TTC34: variants seen among roughly 807,000 people sequenced by gnomAD.
The protein encoded by TTC34 is tetratricopeptide repeat domain 34, also known as tetratricopeptide repeat protein 34.
A neutral mutation model predicts 40.7 loss-of-function variants in TTC34; 44 were observed. The observed-to-expected ratio is 1.08, with a 90% CI of 0.85 to 1.39. TTC34 has a LOEUF of 1.39. Among genes scored for constraint, TTC34 ranks in the 40% most tolerant of loss-of-function variants. The pLI, the probability that TTC34 is intolerant of heterozygous loss-of-function variation, is 0.00. For missense variants in TTC34, 884 were observed against 838.0 expected (o/e 1.05, Z -0.68); for synonymous variants, 422 against 398.6 (o/e 1.06, Z -0.70).
chr1:2,684,533 G>C (rs1036994558), intron 6 of TTC34, among the ~76,000 whole-genome samples: 1 of 143,586 alleles, frequency 7.0e-6, no homozygotes, highest in African/African-American at 2.8e-5. Flanking sequence ...GTGAGCATCC[G>C]ACATCCTGAA....
At chr1:2,748,747 A>C (rs1641225573) in intron 6 of TTC34, among the ~76,000 whole-genome samples, 2 of 135,578 alleles carry the variant, frequency 1.5e-5, no homozygotes, top group African/African-American at 3.1e-5. Context: ...GACAGACTGG[A>C]ACAGCACCCA....
At chr1:2,649,369 GAGA>G (rs1417812327) in intron 6 of TTC34, among the ~76,000 whole-genome samples, 1 of 151,874 alleles carries the variant, frequency 6.6e-6, no homozygotes, top group Non-Finnish European at 1.5e-5. Flanking sequence ...CCAGTTAGGT[GAGA>G]ATCTGAATGC....
At chr1:2,753,223 T>A (rs1362992712) in intron 6 of TTC34, among the ~76,000 whole-genome samples, 1 of 83,504 alleles carries the variant, frequency 1.2e-5, no homozygotes. Context: ...CACCCACAGG[T>A]GAGCATCTGA....
rs1355404692 is a variant in TTC34, at chr1:2,783,795, G to C, written c.2060-20C>G. On this transcript the variant is annotated intron_variant, in intron 5 of 8. Transcript: ENST00000401095. ...GGCTTCCTGCAGGAAGACGGCATGG[G>C]GTCAGGATGAGCCTATGCTGGGTCC... 1 of 1,471,692 alleles carries C rather than the reference G, an allele frequency of 6.8e-7. No individual in the cohort carries two copies. Among genetic ancestry groups the C allele is most frequent in the African/African-American group, 1.4e-5 (1 of 70,906 alleles). The allele number at this position is 1,471,692 out of a possible 1,614,324, so 91.2% of individuals were successfully genotyped here.
intron 6 of TTC34, among the ~76,000 whole-genome samples, chr1:2,769,063 C>T (rs1033525761): frequency 5.5e-4 from 1 of 1,802 alleles, no homozygotes; most frequent in Non-Finnish European, 1.2e-3. Context: ...GCACCCTCAC[C>T]CCGAGGTGGG....
chr1:2,760,013 CATCGGAGAG>C (rs1641643687), intron 6 of TTC34, among the ~76,000 whole-genome samples: 24 of 132,458 alleles, frequency 1.8e-4, no homozygotes, highest in East Asian at 4.4e-4. Context: ...CACAGGTGAG[CATCGGAGAG>C]TCCGGAGCAG....
chr1:2,687,597 G>A (rs1640423643), intron 6 of TTC34, among the ~76,000 whole-genome samples: 1 of 148,952 alleles, frequency 6.7e-6, no homozygotes, highest in Non-Finnish European at 1.5e-5. Context: ...GCCTGGAACA[G>A]CACCCACACC....
chr1:2,693,106 C>A (rs1450813899), intron 6 of TTC34, among the ~76,000 whole-genome samples: 2 of 77,046 alleles, frequency 2.6e-5, no homozygotes, highest in East Asian at 3.0e-4. Context: ...GCACCCACAC[C>A]CTCAGGTGAG....
At chr1:2,749,409 G>A (rs1641244212) in intron 6 of TTC34, among the ~76,000 whole-genome samples, 1 of 143,996 alleles carries the variant, frequency 6.9e-6, no homozygotes, top group Non-Finnish European at 1.5e-5. Flanking sequence ...TGCACCCCCA[G>A]GTGCGCACGT....
In TTC34 at chr1:2,792,006, CTTT is replaced by C. The variant is rs376632144; in HGVS notation, c.785-1663_785-1661del. Among the ~76,000 whole-genome samples, 284 of 39,498 alleles carry C rather than the reference CTTT, an allele frequency of 7.2e-3. 2 individuals carry two copies. The highest frequency in any genetic ancestry group is 0.019 in the African/African-American group (227 of 11,938). 25.9% of individuals were successfully genotyped at this position (39,498 alleles called of 152,430 possible). The stretch of plus-strand genomic sequence containing the variant: ...TGTTCAACTCTAGACTTGCCATATG[CTTT>C]TTTTTTTTTTTTTTTTTTTTTTTTA... On this transcript the variant is annotated intron_variant, in intron 2 of 8. Transcript: ENST00000401095.
intron 6 of TTC34, among the ~76,000 whole-genome samples, chr1:2,753,281 A>C (rs1273270908): frequency 1.7e-5 from 2 of 119,234 alleles, no homozygotes; most frequent in African/African-American, 7.3e-5. Flanking sequence ...GACAGCCTGG[A>C]ACAGCACCCT....
intron 2 of TTC34, among the ~76,000 whole-genome samples, chr1:2,799,829 G>A (rs906455657): frequency 2.0e-5 from 3 of 152,140 alleles, no homozygotes; most frequent in African/African-American, 4.8e-5. Context: ...CCTGATCACC[G>A]GCTGGAGCAG....
intron 6 of TTC34, among the ~76,000 whole-genome samples, chr1:2,650,687 C>T (rs999221413): frequency 1.3e-5 from 2 of 151,550 alleles, no homozygotes; most frequent in East Asian, 1.9e-4. Flanking sequence ...ATCTGACAGT[C>T]GGGAACAGCA....
In TTC34 at chr1:2,641,073, G is replaced by A. The variant is rs548579352; in HGVS notation, c.*295C>T. On this transcript the variant is annotated 3_prime_UTR_variant, in exon 9 of 9. Transcript: ENST00000401095. ...GGCTGGGAAGGGAGGTATGGGGAGG[G>A]CTGGGAAGGGAGGTATGGGGAGGGC... The A allele has an allele frequency of 2.1e-3, 327 of 156,128 alleles. 9 individuals are homozygous for A. The highest frequency in any genetic ancestry group is 0.016 in the African/African-American group (300 of 18,876). The allele number at this position is 156,128 out of a possible 1,614,324, so 9.7% of individuals were successfully genotyped here. A position where few individuals can be genotyped will look rare whatever the true frequency, so the allele number is the denominator to read the frequency against.
chr1:2,687,247 C>A (rs1375601231), intron 6 of TTC34, among the ~76,000 whole-genome samples: 2 of 147,788 alleles, frequency 1.4e-5, no homozygotes, highest in African/African-American at 2.7e-5. Context: ...ACCCACACCC[C>A]CAGGTGCGCA....
intron 6 of TTC34, among the ~76,000 whole-genome samples, chr1:2,759,865 G>GCAC (rs1641636031): frequency 7.6e-5 from 10 of 131,098 alleles, no homozygotes; most frequent in African/African-American, 2.9e-4. Flanking sequence ...TGACAGCCTG[G>GCAC]AGTAGTATCC....
intron 6 of TTC34, among the ~76,000 whole-genome samples, chr1:2,761,162 C>A (rs1243371400): frequency 2.7e-5 from 1 of 36,680 alleles, no homozygotes; most frequent in Non-Finnish European, 4.3e-5. Flanking sequence ...AGCGCCGACC[C>A]CCCCAGGGTG....
chr1:2,775,169 C>T (rs1275917489), intron 6 of TTC34: 1 of 141,272 alleles, frequency 7.1e-6, no homozygotes, highest in Admixed American at 7.0e-5. Context: ...GAATCTGACG[C>T]ATAAAACAGC....
At chr1:2,653,693 C>T (rs1431422328) in intron 6 of TTC34, among the ~76,000 whole-genome samples, 9 of 125,730 alleles carry the variant, frequency 7.2e-5, no homozygotes, top group South Asian at 5.7e-4. Flanking sequence ...CCCACACCCC[C>T]AGGTGAGCAT....
Sources: gnomAD v4.1 joint callset for allele counts (sites outside exome capture counted in the v4.1 genomes callset) on GRCh38, gnomAD v4.1.1 for gene constraint, MANE v1.5 for transcripts, NCBI Gene and HGNC (gene_info 2026-07-23, HGNC 2026-07-21) for gene names.